SUSD4: variants seen among roughly 807,000 people sequenced by gnomAD.
SUSD4 encodes sushi domain containing 4, also known as sushi domain-containing protein 4.
SUSD4 carries 41 observed loss-of-function variants against 50.5 expected under a neutral mutation model. The ratio of observed to expected loss-of-function variants is 0.81; its 90% CI spans 0.63 to 1.05. The LOEUF is 1.05. Among genes scored for constraint, SUSD4 ranks in the 50% least tolerant of loss-of-function variants. The probability of loss-of-function intolerance (pLI) is 0.00; values close to 1 mark genes in which losing one functional copy is unlikely to be tolerated. For missense variants in SUSD4, 580 were observed against 634.7 expected, an observed-to-expected ratio of 0.91 and a Z score of 0.93; for synonymous variants, 257 against 257.3, an observed-to-expected ratio of 1.00 and a Z score of 0.01.
Position 223,292,729 on chromosome 1 carries a change from A to G in SUSD4, c.149-78T>C, listed in dbSNP as rs192148836. The G allele has an allele frequency of 4.6e-5, 68 of 1,470,844 alleles. 2 individuals are homozygous for G. The East Asian group carries it at 1.6e-3, about 35-fold the overall frequency. The allele number at this position is 1,470,844 out of a possible 1,614,324, so 91.1% of individuals were successfully genotyped here. ...AAGGGCCTTCCTACATAAATGGCAG[A>G]CCCTGCATGATGTCATACGCCTTGG... On this transcript the variant is annotated intron_variant, in intron 2 of 8. Transcript: ENST00000366878.
intron 3 of SUSD4, among the ~76,000 whole-genome samples, chr1:223,270,406 G>A (rs977597930): frequency 6.6e-6 from 1 of 152,148 alleles, no homozygotes; most frequent in African/African-American, 2.4e-5. Context: ...TCTGGAGCAC[G>A]GCTAACAGGC....
At chr1:223,354,885 A>G (rs1191807467) in intron 2 of SUSD4, among the ~76,000 whole-genome samples, 2 of 152,238 alleles carry the variant, frequency 1.3e-5, no homozygotes, top group Non-Finnish European at 2.9e-5. Flanking sequence ...ATTTGAAACT[A>G]GTTAGAACAG....
At chr1:223,337,817 G>A (rs1667542234) in intron 2 of SUSD4, among the ~76,000 whole-genome samples, 1 of 152,178 alleles carries the variant, frequency 6.6e-6, no homozygotes, top group Admixed American at 6.5e-5. Flanking sequence ...AAACAAGGGA[G>A]GCTTAGAGGG....
chr1:223,270,818 C>A (rs1054119952), intron 3 of SUSD4, among the ~76,000 whole-genome samples: 1 of 152,142 alleles, frequency 6.6e-6, no homozygotes, highest in Non-Finnish European at 1.5e-5. Flanking sequence ...CCCTTGGCAT[C>A]CCAACGTGCT....
intron 3 of SUSD4, chr1:223,289,105 T>C (rs1257120939): frequency 2.0e-6 from 2 of 985,340 alleles, no homozygotes; most frequent in Non-Finnish European, 2.4e-6. Flanking sequence ...CACCCTGGCC[T>C]TTAGTCACTG....
chr1:223,261,193 C>T (rs1662096042), intron 5 of SUSD4, among the ~76,000 whole-genome samples: 1 of 152,190 alleles, frequency 6.6e-6, no homozygotes, highest in South Asian at 2.1e-4. Context: ...AGCCTCTCTG[C>T]TGCTGGGATT....
intron 5 of SUSD4, among the ~76,000 whole-genome samples, chr1:223,259,236 A>G (rs1204765697): frequency 1.3e-5 from 2 of 152,184 alleles, no homozygotes; most frequent in African/African-American, 4.8e-5. Flanking sequence ...TATGACACTG[A>G]TTTTGGTTTC....
intron 4 of SUSD4, 115 bp downstream of exon 4, chr1:223,268,387 C>G (rs535104544): frequency 2.2e-6 from 3 of 1,384,252 alleles, no homozygotes; most frequent in East Asian, 4.8e-5. Flanking sequence ...GGGTAGATGG[C>G]TTTGTTCATT....
At chr1:223,264,260 C>T (rs576005008) in intron 5 of SUSD4, 264 of 1,002,306 alleles carry the variant, frequency 2.6e-4, no homozygotes, top group Non-Finnish European at 2.9e-4. Context: ...GAGGAAACAG[C>T]GACACAACAA....
At chr1:223,311,568 C>G (rs755069076) in intron 2 of SUSD4, among the ~76,000 whole-genome samples, 1 of 152,036 alleles carries the variant, frequency 6.6e-6, no homozygotes, top group South Asian at 2.1e-4. Flanking sequence ...ACAGTAGTGA[C>G]GGAGGTAGAT....
At chr1:223,325,090 T>C (rs1463305111) in intron 2 of SUSD4, among the ~76,000 whole-genome samples, 2 of 152,126 alleles carry the variant, frequency 1.3e-5, no homozygotes, top group East Asian at 1.9e-4. Flanking sequence ...GGTTAGGTCA[T>C]ACCCAGCCAG....
At chr1:223,335,801 C>T (rs34572097) in intron 2 of SUSD4, among the ~76,000 whole-genome samples, 22,141 of 152,042 alleles carry the variant, frequency 0.15, 2,852 homozygotes, top group African/African-American at 0.34. Flanking sequence ...CCAACTGAGA[C>T]GGTGATCAGA....
intron 2 of SUSD4, among the ~76,000 whole-genome samples, chr1:223,317,851 CTTTTTT>C (rs1172641015): frequency 9.9e-6 from 1 of 100,734 alleles, no homozygotes; most frequent in East Asian, 2.9e-4. Flanking sequence ...TTTTTTTTTT[CTTTTTT>C]TTTTTTTTTT....
chr1:223,353,979 C>T (rs1436451052), intron 2 of SUSD4, among the ~76,000 whole-genome samples: 1 of 151,302 alleles, frequency 6.6e-6, no homozygotes, highest in Non-Finnish European at 1.5e-5. Context: ...TGCAGCGAGC[C>T]GAGATCGTGG....
chr1:223,235,412 A>C (rs1660153396), intron 5 of SUSD4, among the ~76,000 whole-genome samples: 1 of 152,098 alleles, frequency 6.6e-6, no homozygotes, highest in Non-Finnish European at 1.5e-5. Flanking sequence ...GGTGTTGTAC[A>C]TTCTATGGGT....
chr1:223,223,355 A>T lies in SUSD4; in HGVS notation c.1338T>A (p.Pro446=), dbSNP rs368502894. The T allele has an allele frequency of 3.7e-6, 6 of 1,613,006 alleles. No homozygotes were observed. The highest frequency in any genetic ancestry group is 5.1e-6 in the Non-Finnish European group (6 of 1,179,570). ...SSELLQSLYS[P]PRCQESTHPA... Reference sequence around the variant, plus strand: ...GGTGGGTGCTCTCTTGGCACCTGGGAGGTGAATACAGACTTTGGAGCAGCT... The same window carrying T: ...GGTGGGTGCTCTCTTGGCACCTGGGTGGTGAATACAGACTTTGGAGCAGCT... Residue 446 remains proline (P), a synonymous_variant, in exon 8 of 9, where the codon CCT becomes CCA. Coordinates refer to ENST00000366878, the MANE Select transcript of SUSD4 (RefSeq NM_017982.4).
At chr1:223,283,224 G>A (rs570641319) in intron 3 of SUSD4, among the ~76,000 whole-genome samples, 1 of 152,272 alleles carries the variant, frequency 6.6e-6, no homozygotes, top group South Asian at 2.1e-4. Context: ...AGTCAAAATT[G>A]ACAAATGGGA....
At chr1:223,247,778 G>A (rs1661039408) in intron 5 of SUSD4, among the ~76,000 whole-genome samples, 1 of 152,146 alleles carries the variant, frequency 6.6e-6, no homozygotes, top group Non-Finnish European at 1.5e-5. Flanking sequence ...GCTTGGATGG[G>A]TCTTAAAGCC....
At chr1:223,234,981 A>G (rs765046891) in intron 5 of SUSD4, 7 of 1,592,450 alleles carry the variant, frequency 4.4e-6, no homozygotes, top group Non-Finnish European at 6.0e-6. Flanking sequence ...GTGCTAGTTG[A>G]GGAACAGGTA....
Sources: allele counts gnomAD v4.1 joint callset (sites outside exome capture counted in the v4.1 genomes callset), GRCh38; gene constraint gnomAD v4.1.1; transcripts MANE v1.5; gene names NCBI Gene and HGNC (gene_info 2026-07-23, HGNC 2026-07-21).